Variants in CDC14B observed in about 807,000 individuals in gnomAD.
The protein encoded by CDC14B is dual specificity protein phosphatase CDC14B.
A neutral mutation model predicts 64.2 loss-of-function variants in CDC14B; 22 were observed. The observed-to-expected ratio is 0.34, with a 90% CI of 0.24 to 0.49. CDC14B has a LOEUF of 0.49. Among genes scored for constraint, CDC14B ranks in the 20% least tolerant of loss-of-function variants. The pLI is 0.99. For missense variants in CDC14B, 498 were observed against 629.9 expected (o/e 0.79, Z 2.24); for synonymous variants, 191 against 215.8 (o/e 0.89, Z 1.01).
At chr9:96,566,727 T>A (rs1217481623) in intron 1 of CDC14B, 1 of 1,574,850 alleles carries the variant, frequency 6.3e-7, no homozygotes, top group Non-Finnish European at 8.6e-7. Flanking sequence ...CCAGCGCGGG[T>A]GCCGGAGCCC....
chr9:96,589,331 T>A (rs1238260953), intron 1 of CDC14B, among the ~76,000 whole-genome samples: 1 of 105,948 alleles, frequency 9.4e-6, no homozygotes, highest in Non-Finnish European at 1.7e-5. Flanking sequence ...AAAGTGAGAC[T>A]CCGTCTTAAA....
intron 13 of CDC14B, among the ~76,000 whole-genome samples, chr9:96,506,513 T>TA (rs1361698225): frequency 3.0e-4 from 45 of 152,206 alleles, no homozygotes. Context: ...AGAACCCACT[T>TA]AGAGGAAGGT....
intron 4 of CDC14B, among the ~76,000 whole-genome samples, chr9:96,556,853 G>A (rs1243205551): frequency 6.6e-6 from 1 of 152,054 alleles, no homozygotes; most frequent in Non-Finnish European, 1.5e-5. Flanking sequence ...TCATAAAACT[G>A]GCAGGCTACA....
exon 14 of CDC14B, chr9:96,491,329 G>A (rs781556344): frequency 5.9e-5 from 9 of 152,306 alleles, no homozygotes; most frequent in East Asian, 3.9e-4. Flanking sequence ...GTTGGTATTC[G>A]CTCCTGACTT....
intron 9 of CDC14B, among the ~76,000 whole-genome samples, chr9:96,531,461 T>C (rs962130188): frequency 1.3e-5 from 2 of 152,202 alleles, no homozygotes; most frequent in Admixed American, 6.5e-5. Flanking sequence ...GCTTTATTTC[T>C]GTAGTATCAG....
intron 1 of CDC14B, among the ~76,000 whole-genome samples, chr9:96,580,591 A>C (rs2118320475): frequency 6.6e-6 from 1 of 152,276 alleles, no homozygotes; most frequent in Middle Eastern, 3.4e-3. Context: ...TCTGGAGGGC[A>C]ATCTGGCAGT....
rs1440306179 is a variant in CDC14B at position 96,509,256 on chromosome 9, A to G, written c.1460+417T>C. 2.6e-5 allele frequency among the ~76,000 whole-genome samples: 4 copies of G among 152,212 alleles called. No individual in the cohort carries two copies. In the East Asian group the frequency reaches 7.7e-4, roughly 29 times the overall value. On this transcript the variant is annotated intron_variant, in intron 13 of 13. Coordinates refer to ENST00000375241, the MANE Select transcript of CDC14B (RefSeq NM_033331.4). Reference sequence around the variant, plus strand: ...GGTGTGGGCTGTGGCCAAGAGGACAAAGAGTCACTAGGTAGAGAAGGATCT... The same window carrying G: ...GGTGTGGGCTGTGGCCAAGAGGACAGAGAGTCACTAGGTAGAGAAGGATCT...
intron 1 of CDC14B, among the ~76,000 whole-genome samples, chr9:96,591,004 T>C (rs575069208): frequency 6.6e-6 from 1 of 152,352 alleles, no homozygotes; most frequent in Non-Finnish European, 1.5e-5. Context: ...TTGTATATAT[T>C]AGCCCCTTGT....
chr9:96,561,476 A>T (rs1034824125), intron 4 of CDC14B, among the ~76,000 whole-genome samples: 3 of 151,862 alleles, frequency 2.0e-5, no homozygotes, highest in Admixed American at 2.0e-4. Context: ...AGCTCCAAAA[A>T]CAACCCTGTT....
At chr9:96,583,870 C>T (rs1845319451) in intron 1 of CDC14B, among the ~76,000 whole-genome samples, 1 of 152,170 alleles carries the variant, frequency 6.6e-6, no homozygotes, top group South Asian at 2.1e-4. Context: ...AGGCGTCTAC[C>T]ACCATGCCCA....
rs185728324 is a variant in CDC14B, at chr9:96,618,086, C to T, written c.160+1133G>A. 2.6e-5 allele frequency among the ~76,000 whole-genome samples: 4 copies of T among 152,342 alleles called. No homozygotes were observed. The East Asian group carries it at 5.8e-4, about 22-fold the overall frequency. ...CCATCCACCAAAGCCGAGAAACCCGCTCTGCTCTCAGCTTCATTTCAAAAC... is the reference window on the plus strand; with the variant it reads ...CCATCCACCAAAGCCGAGAAACCCGTTCTGCTCTCAGCTTCATTTCAAAAC... On this transcript the variant is annotated intron_variant, in intron 1 of 13. Coordinates refer to ENST00000375241, the MANE Select transcript of CDC14B (RefSeq NM_033331.4).
intron 1 of CDC14B, among the ~76,000 whole-genome samples, chr9:96,594,745 G>T (rs916975145): frequency 6.0e-5 from 9 of 149,412 alleles, no homozygotes; most frequent in African/African-American, 2.2e-4. Context: ...AAAAGCCCAG[G>T]AGAGAACCAT....
At chr9:96,618,696 G>T in intron 1 of CDC14B, 2 of 444,814 alleles carry the variant, frequency 4.5e-6, no homozygotes, top group Non-Finnish European at 8.8e-6. Context: ...CGCGCCGGAC[G>T]GGCAACGCGG....
At chr9:96,555,175 C>A (rs1191150882) in intron 4 of CDC14B, among the ~76,000 whole-genome samples, 1 of 152,182 alleles carries the variant, frequency 6.6e-6, no homozygotes, top group Non-Finnish European at 1.5e-5. Context: ...CCACGGTGAA[C>A]AGGGTGCCCC....
intron 4 of CDC14B, among the ~76,000 whole-genome samples, chr9:96,560,396 A>G (rs1036045045): frequency 3.9e-5 from 6 of 152,114 alleles, no homozygotes; most frequent in African/African-American, 1.4e-4. Flanking sequence ...GTTCCCTTTA[A>G]TATTTTATGA....
chr9:96,551,632 C>T (rs1328902323), intron 5 of CDC14B, among the ~76,000 whole-genome samples, 164 bp downstream of exon 5: 1 of 152,140 alleles, frequency 6.6e-6, no homozygotes, highest in Admixed American at 6.5e-5. Context: ...GCCTCCATGA[C>T]AAAACGTCAA....
chr9:96,583,790 C>T (rs139705946), intron 1 of CDC14B, among the ~76,000 whole-genome samples: 6,989 of 152,084 alleles, frequency 0.046, 544 homozygotes, highest in African/African-American at 0.16. Flanking sequence ...GCGATCTAGG[C>T]TCCCTGCAAG....
chr9:96,579,828 T>C (rs1845036746), intron 1 of CDC14B, among the ~76,000 whole-genome samples: 2 of 152,088 alleles, frequency 1.3e-5, no homozygotes, highest in Admixed American at 1.3e-4. Context: ...CAGCCCTAGA[T>C]GACGAAGACA....
Position 96,595,608 on chromosome 9 carries a change from T to C in CDC14B, c.160+23611A>G, listed in dbSNP as rs546992408. ...TGGTAAACAAAATATGATACCGTCA[T>C]ACAATGCAATATTCAGCCATAAAAT... On this transcript the variant is annotated intron_variant, in intron 1 of 13. Coordinates refer to ENST00000375241, the MANE Select transcript of CDC14B (RefSeq NM_033331.4). Among the ~76,000 whole-genome samples the C allele has an allele frequency of 7.7e-4, 117 of 152,300 alleles. 1 individual carries two copies. In the South Asian group the frequency reaches 0.024, roughly 31 times the overall value.
Sources: gnomAD v4.1 joint callset for allele counts (sites outside exome capture counted in the v4.1 genomes callset) on GRCh38, gnomAD v4.1.1 for gene constraint, MANE v1.5 for transcripts, NCBI Gene and HGNC (gene_info 2026-07-23, HGNC 2026-07-21) for gene names.